Variants in EGFR observed in about 807,000 individuals in gnomAD.
EGFR encodes avian erythroblastic leukemia viral (v-erb-b) oncogene homolog.
EGFR carries 58 observed loss-of-function variants against 143.0 expected under a neutral mutation model. That is an observed-to-expected ratio of 0.41 (90% CI 0.33 to 0.50). The LOEUF is 0.50. Among genes scored for constraint, EGFR ranks in the 20% least tolerant of loss-of-function variants. The pLI, the probability that EGFR is intolerant of heterozygous loss-of-function variation, is 0.39. For missense variants in EGFR, 1,307 were observed against 1,579.0 expected, an observed-to-expected ratio of 0.83 and a Z score of 2.92; for synonymous variants, 613 against 594.4, an observed-to-expected ratio of 1.03 and a Z score of -0.45.
chr7:55,200,478 G>A (rs2128970168), intron 24 of EGFR, 65 bp downstream of exon 24: 2 of 1,494,900 alleles, frequency 1.3e-6, no homozygotes, highest in South Asian at 1.1e-5. Flanking sequence ...ATGTCACTGT[G>A]TTCTGTCACA....
At chr7:55,165,104 A>G in intron 14 of EGFR, among the ~76,000 whole-genome samples, 176 bp from the exon 15 acceptor site, 1 of 152,248 alleles carries the variant, frequency 6.6e-6, no homozygotes, top group South Asian at 2.1e-4. Flanking sequence ...AGCAACTAAC[A>G]GTGACCATAT....
rs868676634 is a variant in EGFR, at chr7:55,201,279, C to T, written c.3038C>T (p.Ala1013Val). The T allele has an allele frequency of 2.5e-6, 4 of 1,614,132 alleles. No individual in the cohort carries two copies. The highest frequency in any genetic ancestry group is 2.5e-6 in the Non-Finnish European group (3 of 1,180,030). Residue 1013 changes from alanine to valine, a missense_variant, in exon 25 of 28, where the codon GCC (alanine) becomes GTC (valine). By Grantham distance (64) the Ala-to-Val change is moderately conservative. Coordinates refer to ENST00000275493, the MANE Select transcript of EGFR (RefSeq NM_005228.5). ...GAAGACATGGACGACGTGGTGGATG[C>T]CGACGAGTACCTCATCCCACAGCAG... ...DEEDMDDVVDADEYLIPQQGF... is the reference protein window; with the variant it reads ...DEEDMDDVVDVDEYLIPQQGF...
intron 1 of EGFR, among the ~76,000 whole-genome samples, chr7:55,029,258 T>G (rs1242022355): frequency 6.6e-6 from 1 of 152,200 alleles, no homozygotes; most frequent in Non-Finnish European, 1.5e-5. Context: ...ACTATAGAAC[T>G]TTTTCTTGGC....
intron 1 of EGFR, among the ~76,000 whole-genome samples, chr7:55,117,085 A>G (rs73135268): frequency 0.069 from 10,534 of 152,290 alleles, 482 homozygotes; most frequent in Middle Eastern, 0.18. Context: ...TTTCCAGCGC[A>G]GTTATAGCAA....
chr7:55,059,733 A>C (rs922111886), intron 1 of EGFR, among the ~76,000 whole-genome samples: 1 of 152,226 alleles, frequency 6.6e-6, no homozygotes, highest in African/African-American at 2.4e-5. Context: ...ATAAGATAAA[A>C]TAATAGTCTA....
At position 55,174,720 on chromosome 7, in the gene EGFR, A is replaced by G. The variant is rs757088414; in HGVS notation, c.2185-2A>G. The stretch of plus-strand genomic sequence containing the variant: ...AACGTCTTCCTTCTCTCTCTGTCAT[A>G]GGGACTCTGGATCCCAGAAGGTGAG... On this transcript the variant is annotated splice_acceptor_variant, in intron 18 of 27. Transcript: ENST00000275493. LOFTEE classifies it high-confidence loss of function. The G allele has an allele frequency of 6.2e-7, 1 of 1,612,132 alleles. No homozygotes were observed.
chr7:55,032,760 T>C (rs1480849568), intron 1 of EGFR, among the ~76,000 whole-genome samples: 1 of 152,220 alleles, frequency 6.6e-6, no homozygotes, highest in African/African-American at 2.4e-5. Context: ...TGTCCCTTTG[T>C]ATTTTTTTCT....
chr7:55,051,733 C>T (rs1005880464), intron 1 of EGFR, among the ~76,000 whole-genome samples: 4 of 152,184 alleles, frequency 2.6e-5, no homozygotes, highest in Non-Finnish European at 5.9e-5. Flanking sequence ...CAAGAGCAGT[C>T]CAAACATGAT....
chr7:55,181,707 A>G (rs935894962), intron 20 of EGFR: 29 of 603,582 alleles, frequency 4.8e-5, no homozygotes, highest in Admixed American at 3.6e-4. Flanking sequence ...CCTTTGAAGA[A>G]TTTTCTCTTT....
intron 10 of EGFR, 74 bp from the exon 11 acceptor site, chr7:55,157,589 G>A: frequency 1.6e-6 from 2 of 1,220,696 alleles, no homozygotes; most frequent in African/African-American, 1.5e-5. Context: ...GTCCCTGAGA[G>A]TCTAGAGTAA....
intron 1 of EGFR, among the ~76,000 whole-genome samples, chr7:55,037,757 T>C (rs1787675348): frequency 6.6e-6 from 1 of 152,220 alleles, no homozygotes. Flanking sequence ...TGACCTTCAT[T>C]GTCAAAGCAA....
At chr7:55,092,657 A>G (rs924071476) in intron 1 of EGFR, among the ~76,000 whole-genome samples, 2 of 152,232 alleles carry the variant, frequency 1.3e-5, no homozygotes, top group African/African-American at 2.4e-5. Flanking sequence ...AACTTCATAT[A>G]TCTTCTCCGC....
At position 55,097,992 on chromosome 7, in the gene EGFR, CA is replaced by C. The variant is rs1256738970; in HGVS notation, c.89-44287del. 2.6e-5 allele frequency among the ~76,000 whole-genome samples: 4 copies of C among 151,668 alleles called. No individual in the cohort carries two copies. In the East Asian group the frequency reaches 5.8e-4, roughly 22 times the overall value. ...GTAGATGGTTTTATCATAGGAAGTT[CA>C]AAAAAATTAAAATATAATGAAAAAT... On this transcript the variant is annotated intron_variant, in intron 1 of 27. Coordinates refer to ENST00000275493, the MANE Select transcript of EGFR (RefSeq NM_005228.5).
At position 55,192,828 on chromosome 7, in the gene EGFR, T is replaced by C. The variant is rs1385329263; in HGVS notation, c.2688T>C (p.Asp896=). The change falls in exon 22 of 28, where the codon GAT becomes GAC. Residue 896 remains aspartate, a synonymous_variant. Transcript: ENST00000275493. ...ACAGAATCTATACCCACCAGAGTGA[T>C]GTCTGGAGCTACGGTGAGTCATAAT... ...ILHRIYTHQS[D]VWSYGVTVWE... The C allele has an allele frequency of 2.5e-6, 4 of 1,614,112 alleles. No individual in the cohort carries two copies. The highest frequency in any genetic ancestry group is 2.7e-5 in the African/African-American group (2 of 74,948).
chr7:55,136,803 A>G (rs1382548661), intron 1 of EGFR, among the ~76,000 whole-genome samples: 1 of 152,232 alleles, frequency 6.6e-6, no homozygotes, highest in Non-Finnish European at 1.5e-5. Context: ...TCAAGAGGCT[A>G]AACAGCTGAT....
At chr7:55,172,864 C>T in intron 16 of EGFR, 119 bp from the exon 17 acceptor site, 1 of 1,604,096 alleles carries the variant, frequency 6.2e-7, no homozygotes, top group South Asian at 1.1e-5. Context: ...TAGTGTCTCA[C>T]TTTCCAAGAT....
chr7:55,089,179 C>CTTGAGAG (rs1790951852), intron 1 of EGFR, among the ~76,000 whole-genome samples: 2 of 151,976 alleles, frequency 1.3e-5, no homozygotes, highest in Non-Finnish European at 1.5e-5. Flanking sequence ...TTTTACTTTG[C>CTTGAGAG]TTGAGAGCTT....
At chr7:55,107,799 CT>C (rs1792227901) in intron 1 of EGFR, among the ~76,000 whole-genome samples, 1 of 152,240 alleles carries the variant, frequency 6.6e-6, no homozygotes, top group African/African-American at 2.4e-5. Flanking sequence ...TATCTTCCCC[CT>C]GTTCCCCCGT....
intron 20 of EGFR, among the ~76,000 whole-genome samples, chr7:55,190,109 G>A (rs757702160): frequency 2.0e-5 from 3 of 152,054 alleles, no homozygotes; most frequent in African/African-American, 4.8e-5. Context: ...TTTGGGAAGC[G>A]CTTCCTCGGC....
Sources: gnomAD v4.1 joint callset for allele counts (sites outside exome capture counted in the v4.1 genomes callset) on GRCh38, gnomAD v4.1.1 for gene constraint, MANE v1.5 for transcripts, NCBI Gene and HGNC (gene_info 2026-07-23, HGNC 2026-07-21) for gene names.